The following LIMS1 variants were observed in gnomAD, a reference collection of about 807,000 sequenced individuals.
LIMS1 encodes LIM zinc finger domain containing 1, also known as LIM and senescent cell antigen-like-containing domain protein 1.
In LIMS1, 18 loss-of-function variants were observed where a neutral mutation model predicts 44.1. The ratio of observed to expected loss-of-function variants is 0.41; its 90% confidence interval spans 0.28 to 0.61. LIMS1 has a LOEUF of 0.61. LIMS1 is among the 20% of genes least tolerant of loss of function. LIMS1 has a pLI of 0.32. For missense variants in LIMS1, 201 were observed against 422.0 expected, an observed-to-expected ratio of 0.48 and a Z score of 4.59; for synonymous variants, 93 against 149.1, an observed-to-expected ratio of 0.62 and a Z score of 2.74.
rs527942124 is a variant in LIMS1 at position 108,582,247 on chromosome 2, A to C, written c.32+47653A>C. On this transcript the variant is annotated intron_variant, in intron 1 of 9. Coordinates refer to ENST00000544547, the Ensembl canonical transcript of LIMS1. ...GATCTGAAACTGTTCCCTAAGGAGC[A>C]AGTGGGAACTTGTGGAGCATTTTTA... 5.3e-5 allele frequency among the ~76,000 whole-genome samples: 8 copies of C among 152,278 alleles called. No individual in the cohort carries two copies. The South Asian group carries it at 1.7e-3, about 32-fold the overall frequency.
chr2:108,554,248 TA>T (rs1017860685), intron 1 of LIMS1, among the ~76,000 whole-genome samples: 3 of 152,178 alleles, frequency 2.0e-5, no homozygotes, highest in African/African-American at 7.2e-5. Flanking sequence ...GTGGAAAATC[TA>T]GGAGATGCTG....
Position 108,604,213 on chromosome 2 carries a change from A to G in LIMS1, c.33-55392A>G, listed in dbSNP as rs75162390. 3.7e-3 allele frequency among the ~76,000 whole-genome samples: 564 copies of G among 152,250 alleles called. 3 individuals are homozygous for G. Among genetic ancestry groups the G allele is most frequent in the Non-Finnish European group, 3.9e-3 (265 of 68,006 alleles). On this transcript the variant is annotated intron_variant, in intron 1 of 9. Transcript: ENST00000544547. ...TTTTTACAGCGTGTGAGCTAAGAATATTTTGACCTTTTTTAATGGTTGAGA... is the reference window on the plus strand; with the variant it reads ...TTTTTACAGCGTGTGAGCTAAGAATGTTTTGACCTTTTTTAATGGTTGAGA...
rs1233474459 is a variant in LIMS1, at chr2:108,588,797, A to C, written c.32+54203A>C. Among the ~76,000 whole-genome samples, 3 of 152,320 alleles carry C rather than the reference A, an allele frequency of 2.0e-5. No homozygotes were observed. In the East Asian group the frequency reaches 5.8e-4, roughly 29 times the overall value. On this transcript the variant is annotated intron_variant, in intron 1 of 9. Coordinates refer to ENST00000544547, the Ensembl canonical transcript of LIMS1. ...AAATTTTCTCCCTGCTGCAGAGGTTATGATTGTGGTTCTTATATCTTGTAG... is the reference window on the plus strand; with the variant it reads ...AAATTTTCTCCCTGCTGCAGAGGTTCTGATTGTGGTTCTTATATCTTGTAG...
chr2:108,601,135 C>T lies in LIMS1; in HGVS notation c.33-58470C>T, dbSNP rs187117610. ...TGCCTGAGGGGGGAAGAAAAACACACACACAATACCTTTAAGGGTAAACAA... is the reference window on the plus strand; with the variant it reads ...TGCCTGAGGGGGGAAGAAAAACACATACACAATACCTTTAAGGGTAAACAA... On this transcript the variant is annotated intron_variant, in intron 1 of 9. Transcript: ENST00000544547. Among the ~76,000 whole-genome samples the T allele has an allele frequency of 7.4e-4, 113 of 152,270 alleles. 2 individuals carry two copies. The highest frequency in any genetic ancestry group is 3.4e-3 in the Middle Eastern group (1 of 294).
intron 6 of LIMS1, 122 bp downstream of exon 6, chr2:108,676,150 G>C: frequency 7.8e-7 from 1 of 1,280,710 alleles, no homozygotes; most frequent in Non-Finnish European, 1.1e-6. Flanking sequence ...TCATGATTCA[G>C]GTGTCCTGGC....
intron 1 of LIMS1, among the ~76,000 whole-genome samples, chr2:108,581,801 G>A (rs1685895901): frequency 6.6e-6 from 1 of 152,080 alleles, no homozygotes; most frequent in Admixed American, 6.5e-5. Context: ...CTCGGGAGTG[G>A]TGGCGCATGC....
chr2:108,609,825 G>A (rs183207478), intron 1 of LIMS1, among the ~76,000 whole-genome samples: 138 of 152,078 alleles, frequency 9.1e-4, no homozygotes, highest in African/African-American at 2.8e-3. Context: ...TCATCCCCAC[G>A]GTTGAAGTTT....
At chr2:108,648,396 T>C (rs1034402724) in intron 1 of LIMS1, among the ~76,000 whole-genome samples, 1 of 152,200 alleles carries the variant, frequency 6.6e-6, no homozygotes, top group Admixed American at 6.5e-5. Context: ...AAGTAATTTA[T>C]AGATTCAATG....
intron 1 of LIMS1, among the ~76,000 whole-genome samples, chr2:108,555,470 C>G (rs1306737064): frequency 6.6e-6 from 1 of 152,138 alleles, no homozygotes; most frequent in Non-Finnish European, 1.5e-5. Flanking sequence ...TAAATTTTCC[C>G]ATGGTTTATG....
chr2:108,684,892 A>G (rs1302175743), exon 10 of LIMS1: 5 of 152,092 alleles, frequency 3.3e-5, no homozygotes, highest in Admixed American at 3.3e-4. Flanking sequence ...CTTTATAACC[A>G]TGCTAATATC....
At chr2:108,636,542 C>T (rs1237233890) in intron 1 of LIMS1, among the ~76,000 whole-genome samples, 1 of 152,196 alleles carries the variant, frequency 6.6e-6, no homozygotes, top group Non-Finnish European at 1.5e-5. Flanking sequence ...GACAAGGTCT[C>T]AGTGCTGCTC....
intron 1 of LIMS1, chr2:108,621,352 A>G: frequency 6.5e-7 from 1 of 1,550,110 alleles, no homozygotes; most frequent in Non-Finnish European, 8.7e-7. Flanking sequence ...TGTGGAGAGA[A>G]GTATGACTGC....
chr2:108,597,670 T>TA (rs1436019425), intron 1 of LIMS1, among the ~76,000 whole-genome samples: 1 of 151,166 alleles, frequency 6.6e-6, no homozygotes, highest in Non-Finnish European at 1.5e-5. Context: ...CCTTTTCACT[T>TA]ATCTATAATA....
chr2:108,562,904 C>G (rs1238057530), intron 1 of LIMS1, among the ~76,000 whole-genome samples: 1 of 152,188 alleles, frequency 6.6e-6, no homozygotes, highest in African/African-American at 2.4e-5. Context: ...GGTTGACTCT[C>G]TTGTTAGGAG....
chr2:108,668,391 C>T (rs1356866794), intron 2 of LIMS1, among the ~76,000 whole-genome samples: 2 of 152,160 alleles, frequency 1.3e-5, no homozygotes, highest in Non-Finnish European at 2.9e-5. Flanking sequence ...CCCCAGCCTC[C>T]AGCAACCTCT....
intron 1 of LIMS1, among the ~76,000 whole-genome samples, chr2:108,637,182 T>A (rs1405089277): frequency 6.6e-6 from 1 of 151,076 alleles, no homozygotes; most frequent in African/African-American, 2.4e-5. Context: ...GTCAGTATTT[T>A]CAAATGCTGT....
chr2:108,656,318 T>TCG (rs1690839404), intron 1 of LIMS1, among the ~76,000 whole-genome samples: 1 of 84,256 alleles, frequency 1.2e-5, no homozygotes, highest in African/African-American at 3.5e-5. Flanking sequence ...TCTATCTATC[T>TCG]ATAGATAGAT....
intron 1 of LIMS1, among the ~76,000 whole-genome samples, chr2:108,540,803 G>A (rs576434553): frequency 2.0e-5 from 3 of 152,290 alleles, no homozygotes; most frequent in South Asian, 4.1e-4. Flanking sequence ...AGCAGGGTTA[G>A]GAATACAGCC....
chr2:108,644,332 G>A (rs372664468), intron 1 of LIMS1, among the ~76,000 whole-genome samples: 4 of 152,266 alleles, frequency 2.6e-5, no homozygotes, highest in South Asian at 4.1e-4. Context: ...TGCAGCCCCC[G>A]CCAGTGATAC....
Sources: gnomAD v4.1 joint callset for allele counts (sites outside exome capture counted in the v4.1 genomes callset) on GRCh38, gnomAD v4.1.1 for gene constraint, MANE v1.5 for transcripts, NCBI Gene and HGNC (gene_info 2026-07-23, HGNC 2026-07-21) for gene names.